Variants in GSE1 observed in about 807,000 individuals in gnomAD.
GSE1 encodes genetic suppressor element 1.
A neutral mutation model predicts 112.6 loss-of-function variants in GSE1; 32 were observed. That is an observed-to-expected ratio of 0.28 (90% CI 0.21 to 0.38). GSE1 has a LOEUF of 0.38. Among genes scored for constraint, GSE1 ranks in the 10% least tolerant of loss-of-function variants. The probability of loss-of-function intolerance (pLI) is 1.00; values close to 1 mark genes in which losing one functional copy is unlikely to be tolerated. For missense variants in GSE1, 2,348 were observed against 1,699.2 expected (o/e 1.38, Z -6.71); for synonymous variants, 1,115 against 735.6 (o/e 1.52, Z -8.35).
chr16:85,582,831 G>A (rs559209145), intron 1 of GSE1, among the ~76,000 whole-genome samples: 2 of 152,310 alleles, frequency 1.3e-5, no homozygotes, highest in African/African-American at 2.4e-5. Flanking sequence ...TAGCTGTTCC[G>A]AGCCAGTGAT....
upstream of GSE1, among the ~76,000 whole-genome samples, chr16:85,551,928 C>G (rs2044933340): frequency 6.6e-6 from 1 of 152,274 alleles, no homozygotes; most frequent in Admixed American, 6.5e-5. Flanking sequence ...CCACTCTTCT[C>G]TGGCCCTCTC....
intron 2 of GSE1, among the ~76,000 whole-genome samples, chr16:85,498,421 A>C (rs1597963666): frequency 6.6e-6 from 1 of 152,144 alleles, no homozygotes; most frequent in Non-Finnish European, 1.5e-5. Context: ...AGACACACAG[A>C]CACACACGGA....
At chr16:85,269,706 C>G (rs1018425001) in intron 1 of GSE1, among the ~76,000 whole-genome samples, 2 of 149,096 alleles carry the variant, frequency 1.3e-5, no homozygotes, top group African/African-American at 4.9e-5. Flanking sequence ...GGAAGGGGCT[C>G]CCAGTGTCCC....
At position 85,205,667 on chromosome 16, in the gene GSE1, C is replaced by G. The variant is rs1395676904; in HGVS notation, c.2283+33860C>G. 3.9e-5 allele frequency among the ~76,000 whole-genome samples: 6 copies of G among 152,320 alleles called. No individual in the cohort carries two copies. The East Asian group carries it at 9.7e-4, about 25-fold the overall frequency. ...GGCAGCTGTGGAGGCCCCTGCCCAT[C>G]TCCCCTGCCCTGGGCAGCATGCGGT... On this transcript the variant is annotated intron_variant, in intron 1 of 2. Transcript: ENST00000637419.
At position 85,208,821 on chromosome 16, in the gene GSE1, T is replaced by C. The variant is rs115344517; in HGVS notation, c.2283+37014T>C. Among the ~76,000 whole-genome samples, 242 of 104,988 alleles carry C rather than the reference T, an allele frequency of 2.3e-3. 1 individual carries two copies. Among genetic ancestry groups the C allele is most frequent in the African/African-American group, 6.2e-3 (191 of 30,660 alleles). The allele number at this position is 104,988 out of a possible 152,430, so 68.9% of individuals were successfully genotyped here. ...GCCTGTGTTGGGGTTTGCCACGTGT[T>C]GGGGTTCGTCTGTGTTGGCGTTCGC... On this transcript the variant is annotated intron_variant, in intron 1 of 2. Transcript: ENST00000637419.
At chr16:85,226,076 G>C (rs1053211828) in intron 1 of GSE1, among the ~76,000 whole-genome samples, 1 of 152,178 alleles carries the variant, frequency 6.6e-6, no homozygotes, top group Non-Finnish European at 1.5e-5. Context: ...GGATGCTGCA[G>C]TGCCCCTGAT....
At chr16:85,178,898 G>C (rs1421718458) in intron 1 of GSE1, among the ~76,000 whole-genome samples, 1 of 151,538 alleles carries the variant, frequency 6.6e-6, no homozygotes, top group Admixed American at 6.6e-5. Flanking sequence ...AGGGATGAGG[G>C]GTACGTTGTC....
intron 1 of GSE1, among the ~76,000 whole-genome samples, chr16:85,214,360 C>G (rs1241132706): frequency 6.6e-6 from 1 of 151,998 alleles, no homozygotes; most frequent in Non-Finnish European, 1.5e-5. Flanking sequence ...GGCCTATATC[C>G]AGGGACTGAT....
intron 1 of GSE1, among the ~76,000 whole-genome samples, chr16:85,281,765 A>G (rs181978937): frequency 6.6e-6 from 1 of 152,086 alleles, no homozygotes; most frequent in Admixed American, 6.6e-5. Context: ...GGGTGGGAGG[A>G]TGGAGAGCAT....
intron 1 of GSE1, among the ~76,000 whole-genome samples, chr16:85,277,842 G>T (rs1004391604): frequency 6.6e-6 from 1 of 152,214 alleles, no homozygotes; most frequent in East Asian, 1.9e-4. Context: ...ACCCCAGGCC[G>T]GCCCCAGGAC....
At chr16:85,250,046 A>G (rs1031776248) in intron 1 of GSE1, among the ~76,000 whole-genome samples, 1 of 152,176 alleles carries the variant, frequency 6.6e-6, no homozygotes, top group Admixed American at 6.5e-5. Context: ...GTGGAGCAGC[A>G]TCCGCCTGGC....
At chr16:85,370,864 C>T (rs1437693286) in intron 2 of GSE1, among the ~76,000 whole-genome samples, 1 of 152,246 alleles carries the variant, frequency 6.6e-6, no homozygotes, top group Non-Finnish European at 1.5e-5. Context: ...ACAGGGAAGG[C>T]AGGAAGTGGC....
intron 1 of GSE1, among the ~76,000 whole-genome samples, chr16:85,321,427 G>A (rs966431999): frequency 3.9e-5 from 6 of 152,088 alleles, no homozygotes; most frequent in Non-Finnish European, 8.8e-5. Flanking sequence ...AAGGAAGGGC[G>A]AAAAGAATTC....
At chr16:85,436,899 G>A (rs971675955) in intron 2 of GSE1, among the ~76,000 whole-genome samples, 1 of 152,348 alleles carries the variant, frequency 6.6e-6, no homozygotes, top group African/African-American at 2.4e-5. Flanking sequence ...CTGTGGGGGC[G>A]GGCTGGAGGC....
At chr16:85,633,123 C>T (rs917241431) in intron 1 of GSE1, among the ~76,000 whole-genome samples, 16 of 152,338 alleles carry the variant, frequency 1.1e-4, no homozygotes, top group Middle Eastern at 3.4e-3. Flanking sequence ...CAAGCTGCAC[C>T]GCGGTTTGGA....
intron 1 of GSE1, among the ~76,000 whole-genome samples, chr16:85,312,828 AC>A (rs747824988): frequency 6.5e-4 from 99 of 152,018 alleles, no homozygotes; most frequent in Non-Finnish European, 1.2e-3. Context: ...ACCCAGGTTG[AC>A]ACTGGCCTCA....
At chr16:85,282,214 G>A (rs148894559) in intron 1 of GSE1, among the ~76,000 whole-genome samples, 1,638 of 152,194 alleles carry the variant, frequency 0.011, 29 homozygotes, top group African/African-American at 0.037. Context: ...TTTCAGTAGA[G>A]ACGGGGTTTC....
At chr16:85,554,804 C>A, upstream of GSE1, 1 of 690,888 alleles carries the variant, frequency 1.4e-6, no homozygotes, top group East Asian at 3.2e-4. Context: ...GACGGACGGG[C>A]GGGCGGGCGG....
chr16:85,219,325 T>C (rs1284670583), intron 1 of GSE1, among the ~76,000 whole-genome samples: 1 of 152,254 alleles, frequency 6.6e-6, no homozygotes, highest in Non-Finnish European at 1.5e-5. Flanking sequence ...AAAGGACTGC[T>C]GCCCATGTGG....
Sources: allele counts gnomAD v4.1 joint callset (sites outside exome capture counted in the v4.1 genomes callset), GRCh38; gene constraint gnomAD v4.1.1; transcripts MANE v1.5; gene names NCBI Gene and HGNC (gene_info 2026-07-23, HGNC 2026-07-21).